The following NAALADL2 variants were observed in gnomAD, a reference collection of about 807,000 sequenced individuals.
NAALADL2 encodes N-acetylated alpha-linked acidic dipeptidase like 2.
In NAALADL2, 76 loss-of-function variants were observed where a neutral mutation model predicts 87.2. The observed-to-expected ratio is 0.87, with a 90% CI of 0.72 to 1.05. The LOEUF is 1.05. NAALADL2 is among the 50% of genes least tolerant of loss of function. The probability of loss-of-function intolerance (pLI) is 0.00; values close to 1 mark genes in which losing one functional copy is unlikely to be tolerated. For missense variants in NAALADL2, 1,089 were observed against 945.8 expected (o/e 1.15, Z -1.99); for synonymous variants, 354 against 331.0 (o/e 1.07, Z -0.75).
At chr3:175,752,123 A>G (rs890291739) in intron 12 of NAALADL2, among the ~76,000 whole-genome samples, 8 of 152,146 alleles carry the variant, frequency 5.3e-5, no homozygotes, top group Non-Finnish European at 7.4e-5. Flanking sequence ...AAATTTATTA[A>G]TAAATGACTA....
intron 2 of NAALADL2, among the ~76,000 whole-genome samples, chr3:175,216,146 T>C (rs1040239674): frequency 1.2e-4 from 18 of 152,168 alleles, no homozygotes; most frequent in African/African-American, 4.3e-4. Context: ...TTTTGTGATT[T>C]TAGTATGACA....
At position 175,483,225 on chromosome 3, in the gene NAALADL2, T is replaced by C. The variant is rs550785706; in HGVS notation, c.1653+11467T>C. Among the ~76,000 whole-genome samples, 105 of 151,814 alleles carry C rather than the reference T, an allele frequency of 6.9e-4. 1 individual carries two copies. The highest frequency in any genetic ancestry group is 3.4e-3 in the Middle Eastern group (1 of 292). ...TATACAGGAAGTTTATGGAGATATG[T>C]TGGAGGAAAAAAGAGTCATTAAGTC... On this transcript the variant is annotated intron_variant, in intron 9 of 13. Coordinates refer to ENST00000454872, the MANE Select transcript of NAALADL2 (RefSeq NM_207015.3).
chr3:175,105,242 TTC>T (rs1210553362), intron 2 of NAALADL2, among the ~76,000 whole-genome samples: 3 of 152,134 alleles, frequency 2.0e-5, no homozygotes, highest in Non-Finnish European at 4.4e-5. Flanking sequence ...ATGAATCACT[TTC>T]TGTTTCACAG....
At chr3:175,214,838 CA>C (rs1296413868) in intron 2 of NAALADL2, among the ~76,000 whole-genome samples, 1 of 152,062 alleles carries the variant, frequency 6.6e-6, no homozygotes, top group African/African-American at 2.4e-5. Context: ...GTCTGCAATC[CA>C]GCAGTACAGA....
chr3:175,426,149 A>G (rs967144046), intron 5 of NAALADL2, among the ~76,000 whole-genome samples: 1 of 152,194 alleles, frequency 6.6e-6, no homozygotes, highest in Non-Finnish European at 1.5e-5. Flanking sequence ...GGATCACTTA[A>G]GGTCAAGAGT....
upstream of NAALADL2, among the ~76,000 whole-genome samples, chr3:174,858,295 G>GT (rs1185143022): frequency 6.6e-6 from 1 of 151,530 alleles, no homozygotes; most frequent in Admixed American, 6.6e-5. Flanking sequence ...AGTGGAGATT[G>GT]TTTTTTATTC....
At chr3:175,166,116 A>C (rs938934105) in intron 2 of NAALADL2, among the ~76,000 whole-genome samples, 2 of 151,630 alleles carry the variant, frequency 1.3e-5, no homozygotes, top group African/African-American at 4.9e-5. Context: ...ATATATACAC[A>C]TTTGAATTGT....
At chr3:175,503,355 G>A (rs1729824039) in intron 9 of NAALADL2, among the ~76,000 whole-genome samples, 1 of 152,090 alleles carries the variant, frequency 6.6e-6, no homozygotes, top group Admixed American at 6.6e-5. Context: ...TTGATTCCAT[G>A]ACTTTGCTAT....
chr3:175,068,673 C>T (rs1017974852), intron 1 of NAALADL2, among the ~76,000 whole-genome samples: 1 of 151,994 alleles, frequency 6.6e-6, no homozygotes, highest in Non-Finnish European at 1.5e-5. Context: ...AGATAGCAAA[C>T]TCTGGTAGTG....
intron 3 of NAALADL2, among the ~76,000 whole-genome samples, chr3:174,811,362 C>G (rs1217233793): frequency 6.6e-6 from 1 of 152,168 alleles, no homozygotes; most frequent in Non-Finnish European, 1.5e-5. Flanking sequence ...CCTGTAAAGC[C>G]ACAGGGATAG....
chr3:175,693,107 C>G (rs1028352509), intron 11 of NAALADL2, among the ~76,000 whole-genome samples: 2 of 152,158 alleles, frequency 1.3e-5, no homozygotes, highest in Non-Finnish European at 2.9e-5. Flanking sequence ...GATTTTCTCA[C>G]CCATTGCAAT....
intron 3 of NAALADL2, among the ~76,000 whole-genome samples, chr3:174,740,148 A>G (rs539392632): frequency 3.3e-5 from 5 of 152,108 alleles, no homozygotes; most frequent in Admixed American, 2.6e-4. Context: ...GGCAAGGTGG[A>G]CATGTAAGCA....
At chr3:175,279,718 G>C (rs1754025659) in intron 4 of NAALADL2, among the ~76,000 whole-genome samples, 1 of 151,778 alleles carries the variant, frequency 6.6e-6, no homozygotes, top group Non-Finnish European at 1.5e-5. Context: ...AGGAAGGCCA[G>C]CATGATTTTT....
chr3:175,617,417 C>G (rs977622477), intron 10 of NAALADL2, among the ~76,000 whole-genome samples: 1 of 152,154 alleles, frequency 6.6e-6, no homozygotes, highest in African/African-American at 2.4e-5. Context: ...ACAGTCCACC[C>G]TCCAGTTGTC....
At chr3:174,667,506 T>G (rs2108792874) in intron 2 of NAALADL2, among the ~76,000 whole-genome samples, 1 of 149,980 alleles carries the variant, frequency 6.7e-6, no homozygotes, top group Non-Finnish European at 1.5e-5. Flanking sequence ...TGGGCAGAAA[T>G]GAGGTAGAGG....
chr3:175,568,427 A>T (rs1201881485), intron 9 of NAALADL2, among the ~76,000 whole-genome samples: 1 of 152,194 alleles, frequency 6.6e-6, no homozygotes, highest in African/African-American at 2.4e-5. Context: ...ATAAAAATTT[A>T]AAAAGACCCA....
chr3:175,746,566 G>T (rs989255322), intron 12 of NAALADL2, among the ~76,000 whole-genome samples: 1 of 152,036 alleles, frequency 6.6e-6, no homozygotes, highest in Admixed American at 6.6e-5. Context: ...GAAGTCCAAG[G>T]CAGCCTGACT....
rs883901 is a variant in NAALADL2, at chr3:174,765,935, G to A, written c.-9+28189G>A. ...ACTCTATGAGTAATTGACTGTTGCCGGCTTGAGTGATACACACAAAACCCT... is the reference window on the plus strand; with the variant it reads ...ACTCTATGAGTAATTGACTGTTGCCAGCTTGAGTGATACACACAAAACCCT... On this transcript the variant is annotated intron_variant, in intron 3 of 3. Coordinates refer to the NAALADL2 transcript ENST00000434257. Among the ~76,000 whole-genome samples, 1,389 of 152,000 alleles carry A rather than the reference G, an allele frequency of 9.1e-3. 17 individuals are homozygous for A. The highest frequency in any genetic ancestry group is 0.045 in the Middle Eastern group (13 of 290).
chr3:175,462,564 A>G lies in NAALADL2; in HGVS notation c.1235-837A>G, dbSNP rs1054663576. Among the ~76,000 whole-genome samples, 11 of 152,270 alleles carry G rather than the reference A, an allele frequency of 7.2e-5. No individual in the cohort carries two copies. The East Asian group carries it at 1.4e-3, about 19-fold the overall frequency. ...TGCATTACCTGCTTTCAAATGTGCC[A>G]TGCTCTGCCCTGACACTAACACCTG... On this transcript the variant is annotated intron_variant, in intron 6 of 13. Transcript: ENST00000454872.
Sources: gnomAD v4.1 joint callset for allele counts (sites outside exome capture counted in the v4.1 genomes callset) on GRCh38, gnomAD v4.1.1 for gene constraint, MANE v1.5 for transcripts, NCBI Gene and HGNC (gene_info 2026-07-23, HGNC 2026-07-21) for gene names.